Variants in ARID3A observed in about 807,000 individuals in gnomAD.
ARID3A encodes the protein AT-rich interaction domain 3A.
Under a neutral mutation model 52.7 loss-of-function variants are expected in ARID3A, and 11 were observed. That is an observed-to-expected ratio of 0.21 (90% CI 0.13 to 0.35). ARID3A has a LOEUF of 0.35. ARID3A is among the 10% of genes least tolerant of loss of function. The pLI is 1.00. For missense variants in ARID3A, 721 were observed against 838.5 expected (o/e 0.86, Z 1.73); for synonymous variants, 404 against 359.4 (o/e 1.12, Z -1.40).
chr19:971,773 T>C lies in ARID3A; in HGVS notation c.1595-105T>C. On this transcript the variant is annotated intron_variant, in intron 8 of 8. Transcript: ENST00000263620. ...CTGCACTCTAGCCTGGGGGACAGAG[T>C]GAGAGAGAAGTTTATTCCCCGGAGC... The C allele has an allele frequency of 3.6e-6, 5 of 1,391,096 alleles. No individual in the cohort carries two copies. The East Asian group carries it at 1.3e-4, about 37-fold the overall frequency. 86.2% of individuals were successfully genotyped at this position (1,391,096 alleles called of 1,614,324 possible). A position where few individuals can be genotyped will look rare whatever the true frequency, so the allele number is the denominator to read the frequency against.
intron 1 of ARID3A, among the ~76,000 whole-genome samples, chr19:926,748 T>C (rs1168638263): frequency 1.3e-5 from 2 of 149,900 alleles, no homozygotes; most frequent in Non-Finnish European, 3.0e-5. Context: ...CCCTGACCCG[T>C]TTCAGGGCCC....
At chr19:969,040 G>A (rs1431758251) in intron 8 of ARID3A, among the ~76,000 whole-genome samples, 2 of 151,892 alleles carry the variant, frequency 1.3e-5, no homozygotes, top group African/African-American at 4.8e-5. Flanking sequence ...CTGTGATGAC[G>A]CCACTGCACT....
At chr19:954,940 G>T (rs577850829) in intron 3 of ARID3A, among the ~76,000 whole-genome samples, 1 of 152,170 alleles carries the variant, frequency 6.6e-6, no homozygotes, top group East Asian at 1.9e-4. Context: ...AGTGCGGGCC[G>T]CTTATCTCGG....
intron 3 of ARID3A, among the ~76,000 whole-genome samples, chr19:948,534 C>T (rs569546081): frequency 1.6e-4 from 25 of 151,760 alleles, no homozygotes; most frequent in African/African-American, 5.1e-4. Flanking sequence ...GACTGGGGCG[C>T]GAGACTCCAG....
At chr19:950,366 GGCCGTCCCCAGAGGGAATGGATGGATGA>G (rs2037780143) in intron 3 of ARID3A, among the ~76,000 whole-genome samples, 4 of 64,416 alleles carry the variant, frequency 6.2e-5, no homozygotes, top group South Asian at 5.0e-4. Context: ...GGATGGATGA[GGCCGTCCCCAGAGGGAATGGATGGATGA>G]GGCCGTCCCC....
intron 3 of ARID3A, among the ~76,000 whole-genome samples, chr19:950,904 C>T (rs1194672644): frequency 6.6e-6 from 1 of 152,036 alleles, no homozygotes; most frequent in Non-Finnish European, 1.5e-5. Context: ...CTCACCACAA[C>T]CTCTGCCTCC....
chr19:963,803 T>G (rs951541576), intron 4 of ARID3A, among the ~76,000 whole-genome samples: 1 of 152,138 alleles, frequency 6.6e-6, no homozygotes, highest in Non-Finnish European at 1.5e-5. Context: ...GACTTGAAAT[T>G]GGGTAAGCCA....
rs1484793264 is a variant in ARID3A, at chr19:973,747, G to A, written c.*1682G>A. 6 of 228,230 alleles carry A rather than the reference G, an allele frequency of 2.6e-5. No homozygotes were observed. The highest frequency in any genetic ancestry group is 4.3e-5 in the Non-Finnish European group (5 of 115,030). 14.1% of individuals were successfully genotyped at this position (228,230 alleles called of 1,614,324 possible). A position where few individuals can be genotyped will look rare whatever the true frequency, so the allele number is the denominator to read the frequency against. Reference sequence around the variant, plus strand: ...CCGAGTTCTGCGGTGACTAAATCGAGGCCGAGAAGGGAGGCTGCCCCCCAC... The same window carrying A: ...CCGAGTTCTGCGGTGACTAAATCGAAGCCGAGAAGGGAGGCTGCCCCCCAC... On this transcript the variant is annotated 3_prime_UTR_variant, in exon 9 of 9. Transcript: ENST00000263620.
chr19:932,235 C>G (rs1287104027), intron 2 of ARID3A, among the ~76,000 whole-genome samples, 183 bp from the exon 3 acceptor site: 2 of 152,162 alleles, frequency 1.3e-5, no homozygotes, highest in African/African-American at 4.8e-5. Flanking sequence ...TAATTGGAAA[C>G]AAAGTGGGCG....
intron 4 of ARID3A, among the ~76,000 whole-genome samples, chr19:962,460 G>A (rs1042525801): frequency 2.7e-5 from 4 of 146,224 alleles, no homozygotes; most frequent in African/African-American, 7.5e-5. Context: ...TCCTCCTCCC[G>A]CCCACTGCAG....
rs1172526072 is a variant in ARID3A at position 942,558 on chromosome 19, C to G, written c.693+9816C>G. 6.6e-6 allele frequency among the ~76,000 whole-genome samples: 1 copy of G among 152,176 alleles called. No individual in the cohort carries two copies. Among genetic ancestry groups the G allele is most frequent in the Non-Finnish European group, 1.5e-5 (1 of 68,016 alleles). ...CGCTGACTAATCTGGCCATTGAAGG[C>G]CCAAGCGCCGGGATATGCAGCCTTG... On this transcript the variant is annotated intron_variant, in intron 3 of 8. Transcript: ENST00000263620. The surrounding 1 kb of genome is among the most constrained non-coding windows in gnomAD (Gnocchi z 8.1).
intron 3 of ARID3A, among the ~76,000 whole-genome samples, chr19:933,787 A>G (rs918400493): frequency 6.7e-6 from 1 of 148,740 alleles, no homozygotes; most frequent in Non-Finnish European, 1.5e-5. Flanking sequence ...CACAAATAGT[A>G]AAGAGCTGAA....
At position 960,261 on chromosome 19, in the gene ARID3A, C is replaced by A; in HGVS notation, c.766+97C>A. On this transcript the variant is annotated intron_variant, in intron 4 of 8. Coordinates refer to ENST00000263620, the MANE Select transcript of ARID3A (RefSeq NM_005224.3). The surrounding 1 kb of genome is among the most constrained non-coding windows in gnomAD (Gnocchi z 4.3). ...CCAGGTATGTCGGGGCGGTGGTGAG[C>A]ACCCCGTGGCTGGAGGCATCCAAGG... is the stretch of plus-strand genomic sequence containing the variant. The A allele has an allele frequency of 8.5e-7, 1 of 1,182,544 alleles. No homozygotes were observed. Among genetic ancestry groups the A allele is most frequent in the Non-Finnish European group, 1.2e-6 (1 of 848,736 alleles). 73.3% of individuals were successfully genotyped at this position (1,182,544 alleles called of 1,614,324 possible).
intron 7 of ARID3A, among the ~76,000 whole-genome samples, chr19:967,771 G>A (rs939581484): frequency 1.7e-4 from 26 of 152,096 alleles, no homozygotes; most frequent in African/African-American, 5.1e-4. Context: ...TTGGTCGGGC[G>A]CGGTGGCCCA....
intron 3 of ARID3A, among the ~76,000 whole-genome samples, chr19:945,487 T>G (rs538686548): frequency 2.0e-5 from 3 of 152,168 alleles, no homozygotes; most frequent in South Asian, 2.1e-4. Context: ...GGTGGGATGG[T>G]GGGGTGTCCC....
rs545407349 is a variant in ARID3A, at chr19:974,683, G to C, written c.*2618G>C. On this transcript the variant is annotated 3_prime_UTR_variant, in exon 9 of 9. Coordinates refer to ENST00000263620, the MANE Select transcript of ARID3A (RefSeq NM_005224.3). ...GGGCCCCCGTGCACCTGCCCACCTC[G>C]GAGCCTGGGGAGGGGCCGTGCAGGG... The C allele has an allele frequency of 1.7e-5, 4 of 231,178 alleles. No homozygotes were observed. Among genetic ancestry groups the C allele is most frequent in the Non-Finnish European group, 3.4e-5 (4 of 116,778 alleles). 14.3% of individuals were successfully genotyped at this position (231,178 alleles called of 1,614,324 possible).
intron 2 of ARID3A, among the ~76,000 whole-genome samples, chr19:932,144 G>A (rs1340348948): frequency 6.6e-6 from 1 of 152,104 alleles, no homozygotes. Context: ...GATTATAGGT[G>A]TGCGCCACCG....
intron 6 of ARID3A, 143 bp downstream of exon 6, chr19:965,223 C>T: frequency 1.0e-6 from 1 of 968,724 alleles, no homozygotes; most frequent in Non-Finnish European, 1.5e-6. Context: ...TCCAATCTAC[C>T]AGTCCTCTGC....
chr19:941,275 G>A lies in ARID3A; in HGVS notation c.693+8533G>A, dbSNP rs1568360661. Among the ~76,000 whole-genome samples the A allele has an allele frequency of 1.3e-5, 2 of 152,256 alleles. No individual in the cohort carries two copies. The highest frequency in any genetic ancestry group is 2.9e-5 in the Non-Finnish European group (2 of 68,048). ...GTGTGCACGCTGGGGCTGTGGCCGG[G>A]CGGCTCGTGGGTCCTGTCTCGTGGG... On this transcript the variant is annotated intron_variant, in intron 3 of 8. Transcript: ENST00000263620. The surrounding 1 kb of genome is among the most constrained non-coding windows in gnomAD (Gnocchi z 6.9).
Sources: gnomAD v4.1 joint callset for allele counts (sites outside exome capture counted in the v4.1 genomes callset) on GRCh38, gnomAD v4.1.1 for gene constraint, Gnocchi (gnomAD v3.1) non-coding constraint, MANE v1.5 for transcripts, NCBI Gene and HGNC (gene_info 2026-07-23, HGNC 2026-07-21) for gene names.